SMC2: variants seen among roughly 807,000 people sequenced by gnomAD.
The protein encoded by SMC2 is structural maintenance of chromosomes protein 2.
SMC2 carries 41 observed loss-of-function variants against 142.6 expected under a neutral mutation model. That is an observed-to-expected ratio of 0.29 (90% CI 0.22 to 0.37). SMC2 has a LOEUF of 0.37. SMC2 is among the 10% of genes least tolerant of loss of function. The pLI, the probability that SMC2 is intolerant of heterozygous loss-of-function variation, is 1.00. For missense variants in SMC2, 1,265 were observed against 1,373.7 expected (o/e 0.92, Z 1.25); for synonymous variants, 463 against 457.5 (o/e 1.01, Z -0.15).
chr9:104,102,454 G>T lies in SMC2; in HGVS notation c.901G>T (p.Asp301Tyr). The change falls in exon 9 of 25, where the codon GAT (aspartate) becomes TAT (tyrosine). Residue 301 changes from aspartate (D) to tyrosine (Y), a missense_variant. Coordinates refer to ENST00000374793, the MANE Select transcript of SMC2 (RefSeq NM_006444.3). ...TGGAGGTATACTTCGATCTTTAGAA[G>T]ATGCTCTTGCAGAGGCTCAGCGAGT... ...ETGGILRSLE[D>Y]ALAEAQRVNT... 1 of 1,610,486 alleles carries T rather than the reference G, an allele frequency of 6.2e-7. No homozygotes were observed. Among genetic ancestry groups the T allele is most frequent in the Non-Finnish European group, 8.5e-7 (1 of 1,178,706 alleles).
chr9:104,094,729 A>ATCTCATCTCT, intron 1 of SMC2: 1 of 298,728 alleles, frequency 3.3e-6, no homozygotes, highest in Non-Finnish European at 6.2e-6. Context: ...TATGAGATAC[A>ATCTCATCTCT]TCTCATCTCT....
Position 104,104,818 on chromosome 9 carries a change from T to C in SMC2, c.1020+2245T>C, listed in dbSNP as rs371072427. 8.3e-4 allele frequency among the ~76,000 whole-genome samples: 126 copies of C among 152,314 alleles called. 1 individual carries two copies. In the South Asian group the frequency reaches 0.026, roughly 31 times the overall value. Reference sequence around the variant, plus strand: ...GATGGATATAACACTCTGACTGACATAATCTCATTGCAATATTGTTGAGCC... The same window carrying C: ...GATGGATATAACACTCTGACTGACACAATCTCATTGCAATATTGTTGAGCC... On this transcript the variant is annotated intron_variant, in intron 9 of 24. Coordinates refer to ENST00000374793, the MANE Select transcript of SMC2 (RefSeq NM_006444.3).
chr9:104,124,315 G>A (rs755883815), intron 17 of SMC2, among the ~76,000 whole-genome samples: 8 of 152,236 alleles, frequency 5.3e-5, no homozygotes, highest in Non-Finnish European at 1.2e-4. Context: ...TTGATCTCTT[G>A]ACCTCATGAT....
rs376093249 is a variant in SMC2 at position 104,111,636 on chromosome 9, T to A, written c.1076T>A (p.Leu359Gln). 4.5e-5 allele frequency: 72 copies of A among 1,613,968 alleles called. No individual in the cohort carries two copies. Among genetic ancestry groups the A allele is most frequent in the Non-Finnish European group, 5.7e-5 (67 of 1,179,954 alleles). ...EKEVKKITDGLHALQEASNKD... is the reference protein window; with the variant it reads ...EKEVKKITDGQHALQEASNKD... ...GAGGTTAAAAAGATAACAGATGGACTGCATGCCCTTCAAGAAGCAAGTAAT... is the reference window on the plus strand; with the variant it reads ...GAGGTTAAAAAGATAACAGATGGACAGCATGCCCTTCAAGAAGCAAGTAAT... The change falls in exon 10 of 25, where the codon CTG becomes CAG. Residue 359 changes from leucine to glutamine, a missense_variant. Physicochemically the swap from Leu to Gln is moderately radical, Grantham distance 113. Transcript: ENST00000374793.
chr9:104,136,071 C>T, intron 23 of SMC2: 1 of 341,856 alleles, frequency 2.9e-6, no homozygotes, highest in Non-Finnish European at 5.8e-6. Context: ...GTCATATGTC[C>T]TTACACCTTA....
upstream of SMC2, among the ~76,000 whole-genome samples, chr9:104,093,789 G>C (rs1399759728): frequency 6.8e-6 from 1 of 147,496 alleles, no homozygotes; most frequent in Non-Finnish European, 1.5e-5. Context: ...ACGCGGGCCA[G>C]AGTCCCCCGA....
intron 16 of SMC2, among the ~76,000 whole-genome samples, chr9:104,122,605 T>C (rs1020885856): frequency 6.6e-6 from 1 of 152,064 alleles, no homozygotes; most frequent in Admixed American, 6.6e-5. Context: ...AGAACAGGGA[T>C]AGAATTACAA....
chr9:104,128,937 A>G (rs985951654), intron 20 of SMC2, among the ~76,000 whole-genome samples: 3 of 152,214 alleles, frequency 2.0e-5, no homozygotes, highest in Admixed American at 6.5e-5. Flanking sequence ...TACCAAATCT[A>G]TGACTTAAGT....
At chr9:104,129,059 G>A (rs1465797722) in intron 20 of SMC2, among the ~76,000 whole-genome samples, 1 of 152,132 alleles carries the variant, frequency 6.6e-6, no homozygotes, top group Non-Finnish European at 1.5e-5. Context: ...GAGGTGCTTT[G>A]CGTATACTTC....
At chr9:104,128,061 TC>T (rs1834514157) in intron 20 of SMC2, among the ~76,000 whole-genome samples, 1 of 152,238 alleles carries the variant, frequency 6.6e-6, no homozygotes, top group African/African-American at 2.4e-5. Flanking sequence ...TTGCAGAAAT[TC>T]ATTGCTTGGT....
intron 23 of SMC2, among the ~76,000 whole-genome samples, chr9:104,135,360 A>G (rs1189415073): frequency 1.3e-5 from 2 of 152,174 alleles, no homozygotes; most frequent in African/African-American, 4.8e-5. Context: ...CTGTAAAAGA[A>G]AAATCAGTAA....
chr9:104,123,297 A>G, intron 17 of SMC2, 65 bp downstream of exon 17: 1 of 1,508,850 alleles, frequency 6.6e-7, no homozygotes, highest in Non-Finnish European at 9.1e-7. Context: ...TACTTTAGGT[A>G]TCTTCTCTAC....
At chr9:104,102,823 G>A (rs534828254) in intron 9 of SMC2, among the ~76,000 whole-genome samples, 1 of 152,224 alleles carries the variant, frequency 6.6e-6, no homozygotes, top group African/African-American at 2.4e-5. Flanking sequence ...AACTGATGTG[G>A]AGAAAAAGCA....
intron 13 of SMC2, 46 bp downstream of exon 13, chr9:104,114,875 A>G: frequency 6.6e-7 from 1 of 1,510,566 alleles, no homozygotes; most frequent in Non-Finnish European, 9.0e-7. Flanking sequence ...GGTTAGCTTG[A>G]AAAGTCATGT....
chr9:104,101,616 A>G (rs1831130543), intron 7 of SMC2, among the ~76,000 whole-genome samples: 1 of 152,224 alleles, frequency 6.6e-6, no homozygotes, highest in Non-Finnish European at 1.5e-5. Flanking sequence ...TTCAAAGTAT[A>G]TTAGAGTAGG....
At chr9:104,099,997 G>A (rs1830930604) in intron 5 of SMC2, 96 bp from the exon 6 acceptor site, 2 of 735,454 alleles carry the variant, frequency 2.7e-6, no homozygotes, top group East Asian at 2.8e-5. Flanking sequence ...TTGGTAAGAT[G>A]TTTAGTGAGG....
At chr9:104,105,122 G>C (rs564385052) in intron 9 of SMC2, among the ~76,000 whole-genome samples, 1 of 152,196 alleles carries the variant, frequency 6.6e-6, no homozygotes, top group South Asian at 2.1e-4. Flanking sequence ...TTTCCCAAGG[G>C]ATATCTGCTG....
chr9:104,118,458 A>G (rs1420289362), intron 15 of SMC2, 83 bp downstream of exon 15: 2 of 1,092,980 alleles, frequency 1.8e-6, no homozygotes, highest in Middle Eastern at 2.3e-4. Context: ...TAGCCCAACT[A>G]CCCACTTCTT....
chr9:104,137,927 T>C lies in SMC2; in HGVS notation c.3270-91T>C, dbSNP rs185046753. The stretch of plus-strand genomic sequence containing the variant: ...GACTACCTTTCAGATAAATCTGCTC[T>C]ATTCACAATAATAGGATCACATATT... On this transcript the variant is annotated intron_variant, in intron 23 of 24. Coordinates refer to ENST00000374793, the MANE Select transcript of SMC2 (RefSeq NM_006444.3). The C allele has an allele frequency of 7.0e-3, 5,880 of 837,474 alleles. 31 individuals are homozygous for C. The highest frequency in any genetic ancestry group is 9.2e-3 in the Non-Finnish European group (5,357 of 583,832). 51.9% of individuals were successfully genotyped at this position (837,474 alleles called of 1,614,324 possible).
Sources: allele counts gnomAD v4.1 joint callset (sites outside exome capture counted in the v4.1 genomes callset), GRCh38; gene constraint gnomAD v4.1.1; transcripts MANE v1.5; gene names NCBI Gene and HGNC (gene_info 2026-07-23, HGNC 2026-07-21).